The following OTUD7A variants were observed in gnomAD, a reference collection of about 807,000 sequenced individuals.
OTUD7A encodes the protein OTU deubiquitinase 7A, also known as OTU domain-containing protein 7A.
Under a neutral mutation model 65.7 loss-of-function variants are expected in OTUD7A, and 12 were observed. That is an observed-to-expected ratio of 0.18 (90% CI 0.12 to 0.30). The LOEUF is 0.30. Among genes scored for constraint, OTUD7A ranks in the 10% least tolerant of loss-of-function variants. The probability of loss-of-function intolerance (pLI) is 1.00; values close to 1 mark genes in which losing one functional copy is unlikely to be tolerated. For missense variants in OTUD7A, 1,148 were observed against 1,304.8 expected (o/e 0.88, Z 1.85); for synonymous variants, 641 against 586.3 (o/e 1.09, Z -1.35).
At chr15:31,641,116 T>C (rs2141262024) in intron 3 of OTUD7A, among the ~76,000 whole-genome samples, 1 of 152,204 alleles carries the variant, frequency 6.6e-6, no homozygotes, top group African/African-American at 2.4e-5. Context: ...GGGGGCAGTT[T>C]CCCCCATCCT....
intron 5 of OTUD7A, among the ~76,000 whole-genome samples, chr15:31,553,474 A>G (rs764012520): frequency 3.3e-5 from 5 of 151,908 alleles, no homozygotes; most frequent in South Asian, 2.1e-4. Context: ...TGCATCCCCA[A>G]CGCAGGGCTC....
chr15:31,739,124 C>T (rs1235649037), intron 1 of OTUD7A, among the ~76,000 whole-genome samples: 1 of 152,144 alleles, frequency 6.6e-6, no homozygotes, highest in Non-Finnish European at 1.5e-5. Context: ...TTACAAACAC[C>T]CCAGGTATTG....
chr15:31,714,896 G>A (rs1181864460), intron 1 of OTUD7A, among the ~76,000 whole-genome samples: 1 of 152,070 alleles, frequency 6.6e-6, no homozygotes, highest in East Asian at 1.9e-4. Context: ...AGCACTTTGG[G>A]AGGCCGAGGC....
chr15:31,496,855 T>A (rs1187561325), intron 10 of OTUD7A, among the ~76,000 whole-genome samples: 1 of 152,206 alleles, frequency 6.6e-6, no homozygotes, highest in Non-Finnish European at 1.5e-5. Flanking sequence ...AAACTTGCTG[T>A]GTTGTTTCTA....
At chr15:31,710,672 T>C (rs1293988018) in intron 1 of OTUD7A, among the ~76,000 whole-genome samples, 1 of 152,246 alleles carries the variant, frequency 6.6e-6, no homozygotes, top group Non-Finnish European at 1.5e-5. Flanking sequence ...CCACTTGGCC[T>C]ACACTGCTGT....
intron 1 of OTUD7A, among the ~76,000 whole-genome samples, chr15:31,754,493 T>G (rs1046009411): frequency 1.3e-5 from 2 of 152,266 alleles, no homozygotes; most frequent in Admixed American, 6.5e-5. Flanking sequence ...TAGTTTCATG[T>G]CTTAGATTTA....
rs1368963012 is a variant in OTUD7A, at chr15:31,510,954, ATG to A, written c.894-7138_894-7137del. 4.1e-5 allele frequency among the ~76,000 whole-genome samples: 4 copies of A among 98,232 alleles called. 2 individuals carry two copies. The highest frequency in any genetic ancestry group is 7.8e-5 in the Non-Finnish European group (4 of 51,554). 64.4% of individuals were successfully genotyped at this position (98,232 alleles called of 152,430 possible). A position where few individuals can be genotyped will look rare whatever the true frequency, so the allele number is the denominator to read the frequency against. On this transcript the variant is annotated intron_variant, in intron 8 of 12. Coordinates refer to ENST00000307050, the MANE Select transcript of OTUD7A (RefSeq NM_001382637.1). ...ATATGTATATCTATATGTAACATAT[ATG>A]TATATCTATATGTAACATATGTATA...
intron 1 of OTUD7A, among the ~76,000 whole-genome samples, chr15:31,725,684 C>T (rs1410009264): frequency 6.6e-6 from 1 of 152,232 alleles, no homozygotes; most frequent in East Asian, 1.9e-4. Context: ...CTACACGTGG[C>T]TCTGTAACTT....
chr15:31,583,672 G>A (rs1324750649), intron 3 of OTUD7A, among the ~76,000 whole-genome samples: 1 of 151,850 alleles, frequency 6.6e-6, no homozygotes, highest in Non-Finnish European at 1.5e-5. Flanking sequence ...CCATGATTGT[G>A]AGGCCTCCCC....
intron 1 of OTUD7A, among the ~76,000 whole-genome samples, chr15:31,721,000 C>A (rs1368187375): frequency 2.0e-5 from 3 of 152,112 alleles, no homozygotes; most frequent in African/African-American, 7.2e-5. Flanking sequence ...CAGCAACATT[C>A]TGTACAGGTT....
At chr15:31,490,604 C>G (rs1485793633) in intron 10 of OTUD7A, among the ~76,000 whole-genome samples, 1 of 152,218 alleles carries the variant, frequency 6.6e-6, no homozygotes, top group Non-Finnish European at 1.5e-5. Context: ...AGGGCCAATT[C>G]AGCTGGACCC....
At chr15:31,697,648 C>G (rs1893114240) in intron 1 of OTUD7A, among the ~76,000 whole-genome samples, 1 of 152,068 alleles carries the variant, frequency 6.6e-6, no homozygotes, top group African/African-American at 2.4e-5. Flanking sequence ...CTCCTCGTAC[C>G]AGGCATGCGC....
intron 1 of OTUD7A, among the ~76,000 whole-genome samples, chr15:31,750,811 A>G (rs1894614118): frequency 6.6e-6 from 1 of 152,214 alleles, no homozygotes; most frequent in South Asian, 2.1e-4. Context: ...AGTTGACAAA[A>G]ATAGGCAATG....
intron 3 of OTUD7A, among the ~76,000 whole-genome samples, chr15:31,648,438 G>A (rs182263316): frequency 6.4e-4 from 98 of 152,258 alleles, no homozygotes; most frequent in Non-Finnish European, 1.0e-3. Context: ...AGTGCTATCT[G>A]CTGGCATGCA....
At chr15:31,780,563 G>C (rs1314535041) in intron 1 of OTUD7A, among the ~76,000 whole-genome samples, 1 of 152,200 alleles carries the variant, frequency 6.6e-6, no homozygotes, top group Non-Finnish European at 1.5e-5. Flanking sequence ...GGTTCTTGAA[G>C]ACACCACCAC....
At chr15:31,831,300 C>G (rs1428563982) in intron 1 of OTUD7A, among the ~76,000 whole-genome samples, 1 of 152,114 alleles carries the variant, frequency 6.6e-6, no homozygotes, top group Admixed American at 6.5e-5. Context: ...AATCAGACTT[C>G]GTAAAAATTT....
chr15:31,800,924 C>T (rs1896104927), intron 1 of OTUD7A, among the ~76,000 whole-genome samples: 2 of 152,242 alleles, frequency 1.3e-5, no homozygotes, highest in African/African-American at 2.4e-5. Flanking sequence ...ATGGGCATCC[C>T]TCCATGGGTC....
chr15:31,494,858 G>A (rs757635278), intron 10 of OTUD7A, among the ~76,000 whole-genome samples: 4 of 152,228 alleles, frequency 2.6e-5, no homozygotes, highest in Non-Finnish European at 2.9e-5. Flanking sequence ...TCTCAGAAGC[G>A]GTTTTGTTGG....
chr15:31,487,326 T>G lies in OTUD7A; in HGVS notation c.1287-48A>C, dbSNP rs752680542. 4 of 1,600,806 alleles carry G rather than the reference T, an allele frequency of 2.5e-6. No homozygotes were observed. The African/African-American group carries it at 5.4e-5, about 21-fold the overall frequency. Reference sequence around the variant, plus strand: ...TTGAAATGGTCTGAGCTGGCCCTTATAGCACCCAGTCCACTTGCATGCCAG... The same window carrying G: ...TTGAAATGGTCTGAGCTGGCCCTTAGAGCACCCAGTCCACTTGCATGCCAG... On this transcript the variant is annotated intron_variant, in intron 11 of 12. Coordinates refer to ENST00000307050, the MANE Select transcript of OTUD7A (RefSeq NM_001382637.1). This position sits in a 1 kb window ranked among gnomAD's most constrained non-coding sequence, Gnocchi z 6.0.
Sources: gnomAD v4.1 joint callset for allele counts (sites outside exome capture counted in the v4.1 genomes callset) on GRCh38, gnomAD v4.1.1 for gene constraint, Gnocchi (gnomAD v3.1) non-coding constraint, MANE v1.5 for transcripts, NCBI Gene and HGNC (gene_info 2026-07-23, HGNC 2026-07-21) for gene names.